The following CNTN5 variants were observed in gnomAD, a reference collection of about 807,000 sequenced individuals.
The protein encoded by CNTN5 is contactin 5, also known as contactin-5.
A neutral mutation model predicts 129.1 loss-of-function variants in CNTN5; 77 were observed. The ratio of observed to expected loss-of-function variants is 0.60; its 90% CI spans 0.50 to 0.72. CNTN5 has a LOEUF of 0.72. Ranked by LOEUF, CNTN5 falls within the 30% of genes least tolerant of loss-of-function variation. The probability of loss-of-function intolerance (pLI) is 0.00; values close to 1 mark genes in which losing one functional copy is unlikely to be tolerated. For synonymous variants in CNTN5, 509 were observed against 465.6 expected, an observed-to-expected ratio of 1.09 and a Z score of -1.20; for missense variants, 1,478 against 1,328.8, an observed-to-expected ratio of 1.11 and a Z score of -1.75.
At chr11:100,168,849 T>C (rs1378205010) in intron 13 of CNTN5, among the ~76,000 whole-genome samples, 3 of 151,964 alleles carry the variant, frequency 2.0e-5, no homozygotes, top group African/African-American at 2.4e-5. Flanking sequence ...CCATTGTAGA[T>C]GCCATTAAGA....
chr11:99,031,181 T>C (rs1863356991), intron 1 of CNTN5, among the ~76,000 whole-genome samples: 1 of 152,098 alleles, frequency 6.6e-6, no homozygotes, highest in Non-Finnish European at 1.5e-5. Context: ...AATACAATGA[T>C]TTAAGCTTGC....
rs80244443 is a variant in CNTN5, at chr11:100,323,113, T to C, written c.2730+14645T>C. ...CATGCAGGTTAGAAAATGTCCTCAG[T>C]GTAAAAAGCTGCGAACTAAAAAAGC... On this transcript the variant is annotated intron_variant, in intron 21 of 24. Coordinates refer to ENST00000524871, the MANE Select transcript of CNTN5 (RefSeq NM_014361.4). 9.8e-5 allele frequency among the ~76,000 whole-genome samples: 15 copies of C among 152,324 alleles called. No homozygotes were observed. The East Asian group carries it at 2.7e-3, about 27-fold the overall frequency.
At chr11:99,024,018 A>G (rs905916082) in intron 1 of CNTN5, among the ~76,000 whole-genome samples, 2 of 152,190 alleles carry the variant, frequency 1.3e-5, no homozygotes, top group Non-Finnish European at 2.9e-5. Context: ...TTATAGCAGG[A>G]AAGAGACTGG....
chr11:99,844,880 G>T lies in CNTN5; in HGVS notation c.306G>T (p.Val102=), dbSNP rs747357568. 6.2e-7 allele frequency: 1 copy of T among 1,613,444 alleles called. No individual in the cohort carries two copies. The highest frequency in any genetic ancestry group is 2.2e-5 in the East Asian group (1 of 44,816). ...GTGTGGACTATGGGCCAGTTTTTGT[G>T]CAAGAACCAGATGATATTATTTTTC... is the stretch of plus-strand genomic sequence containing the variant. ...DESVDYGPVF[V]QEPDDIIFPT... is the part of the protein sequence containing the mutation. Residue 102 remains valine, a synonymous_variant, in exon 5 of 25, where the codon GTG becomes GTT. Transcript: ENST00000524871.
chr11:99,812,186 T>C (rs930485264), intron 3 of CNTN5, among the ~76,000 whole-genome samples: 1 of 152,154 alleles, frequency 6.6e-6, no homozygotes, highest in Non-Finnish European at 1.5e-5. Flanking sequence ...TATATACTTG[T>C]GGAGTTTTCT....
At chr11:100,017,297 T>G (rs1366178528) in intron 9 of CNTN5, among the ~76,000 whole-genome samples, 1 of 152,038 alleles carries the variant, frequency 6.6e-6, no homozygotes, top group African/African-American at 2.4e-5. Flanking sequence ...TTCATGTCAT[T>G]CCATTACATT....
intron 2 of CNTN5, among the ~76,000 whole-genome samples, chr11:99,464,095 G>C (rs1016208800): frequency 6.6e-6 from 1 of 152,176 alleles, no homozygotes; most frequent in African/African-American, 2.4e-5. Context: ...GACAGATGCA[G>C]CTGTTGAAAG....
intron 17 of CNTN5, among the ~76,000 whole-genome samples, chr11:100,268,936 A>C (rs1485794464): frequency 6.6e-6 from 1 of 152,214 alleles, no homozygotes; most frequent in African/African-American, 2.4e-5. Context: ...ATAATATGCC[A>C]CTGAACATAT....
chr11:100,312,853 C>G (rs567501), intron 21 of CNTN5, among the ~76,000 whole-genome samples: 78,738 of 151,878 alleles, frequency 0.52, 23,684 homozygotes, highest in East Asian at 0.92. Flanking sequence ...ATCAGAACAT[C>G]AATAAGATAG....
At chr11:100,027,035 T>G (rs1469736069) in intron 9 of CNTN5, among the ~76,000 whole-genome samples, 1 of 152,126 alleles carries the variant, frequency 6.6e-6, no homozygotes, top group African/African-American at 2.4e-5. Context: ...AAAAATCTCT[T>G]CCATAGTTGT....
intron 3 of CNTN5, among the ~76,000 whole-genome samples, chr11:99,737,377 A>G (rs956474388): frequency 1.4e-4 from 21 of 152,196 alleles, no homozygotes; most frequent in Admixed American, 1.4e-3. Context: ...TACTGTTGAT[A>G]AAAAATATAT....
At chr11:99,823,500 A>G (rs930475012) in intron 4 of CNTN5, among the ~76,000 whole-genome samples, 1 of 152,092 alleles carries the variant, frequency 6.6e-6, no homozygotes, top group African/African-American at 2.4e-5. Context: ...AACAGATGCT[A>G]CAGAGAAAAT....
intron 2 of CNTN5, among the ~76,000 whole-genome samples, chr11:99,538,803 A>T (rs1303355847): frequency 6.6e-6 from 1 of 152,142 alleles, no homozygotes; most frequent in Non-Finnish European, 1.5e-5. Context: ...TCTAAGAACA[A>T]TTAATCTTGT....
chr11:99,024,188 C>T (rs964796407), intron 1 of CNTN5, among the ~76,000 whole-genome samples: 2 of 152,094 alleles, frequency 1.3e-5, no homozygotes, highest in Non-Finnish European at 2.9e-5. Flanking sequence ...GAACTATATT[C>T]CATCTCCCTA....
At chr11:100,072,461 G>C (rs2161054) in intron 12 of CNTN5, among the ~76,000 whole-genome samples, 1 of 152,128 alleles carries the variant, frequency 6.6e-6, no homozygotes, top group Admixed American at 6.6e-5. Flanking sequence ...AGACTACCCA[G>C]AAAAAGCATA....
chr11:99,228,380 CA>C (rs2135720960), intron 1 of CNTN5, among the ~76,000 whole-genome samples: 1 of 151,904 alleles, frequency 6.6e-6, no homozygotes, highest in South Asian at 2.1e-4. Context: ...TTAACAGGTA[CA>C]AAAATACAGT....
chr11:99,301,673 A>G (rs1259512166), intron 1 of CNTN5, among the ~76,000 whole-genome samples: 2 of 151,840 alleles, frequency 1.3e-5, no homozygotes, highest in Non-Finnish European at 3.0e-5. Flanking sequence ...AATAATGTAT[A>G]GAACCTCTAG....
chr11:100,032,160 A>G (rs1185531232), intron 9 of CNTN5, among the ~76,000 whole-genome samples: 1 of 152,152 alleles, frequency 6.6e-6, no homozygotes, highest in Non-Finnish European at 1.5e-5. Context: ...TTACTTTTAT[A>G]TATTTGGCCC....
At chr11:99,865,053 A>G (rs1565618764) in intron 6 of CNTN5, among the ~76,000 whole-genome samples, 1 of 152,230 alleles carries the variant, frequency 6.6e-6, no homozygotes, top group East Asian at 1.9e-4. Flanking sequence ...AATATTAACA[A>G]AACACCTATT....
Sources: gnomAD v4.1 joint callset for allele counts (sites outside exome capture counted in the v4.1 genomes callset) on GRCh38, gnomAD v4.1.1 for gene constraint, MANE v1.5 for transcripts, NCBI Gene and HGNC (gene_info 2026-07-23, HGNC 2026-07-21) for gene names.